PRCD: variants seen among roughly 807,000 people sequenced by gnomAD.
PRCD encodes the protein photoreceptor disk component PRCD.
Under a neutral mutation model 10.1 loss-of-function variants are expected in PRCD, and 12 were observed. That is an observed-to-expected ratio of 1.18 (90% CI 0.76 to 1.92). The LOEUF (loss-of-function observed/expected upper bound fraction) is 1.92, where lower values mean the gene tolerates loss of function less well. Ranked by LOEUF, PRCD falls within the 40% of genes most tolerant of loss-of-function variation. The probability of loss-of-function intolerance (pLI) is 0.00; values close to 1 mark genes in which losing one functional copy is unlikely to be tolerated. For missense variants in PRCD, 61 were observed against 72.2 expected (o/e 0.84, Z 0.56); for synonymous variants, 31 against 26.2 (o/e 1.18, Z -0.56).
At chr17:76,547,831 C>A (rs1276829301), downstream of PRCD, among the ~76,000 whole-genome samples, 4 of 136,420 alleles carry the variant, frequency 2.9e-5, no homozygotes, top group Non-Finnish European at 4.5e-5. Flanking sequence ...CACACACACA[C>A]AACACACATT....
intron 2 of PRCD, among the ~76,000 whole-genome samples, chr17:76,542,006 C>T (rs1462180417): frequency 6.6e-6 from 1 of 152,176 alleles, no homozygotes; most frequent in Non-Finnish European, 1.5e-5. Context: ...CCTATTAAGT[C>T]ACTCGGGAGG....
chr17:76,529,383 G>A (rs956647699), intron 1 of PRCD: 5 of 985,402 alleles, frequency 5.1e-6, no homozygotes, highest in Middle Eastern at 5.2e-4. Context: ...AGAAGTGGGC[G>A]GAGGAGGAGA....
upstream of PRCD, chr17:76,537,500 G>T: frequency 6.3e-7 from 1 of 1,578,744 alleles, no homozygotes; most frequent in Non-Finnish European, 8.6e-7. Flanking sequence ...TCCTCGCTCC[G>T]CTCCCTGCGC....
chr17:76,547,880 C>A (rs1350328613), downstream of PRCD, among the ~76,000 whole-genome samples: 1 of 151,040 alleles, frequency 6.6e-6, no homozygotes, highest in African/African-American at 2.4e-5. Context: ...TATTCACACA[C>A]ATACACATAC....
Position 76,530,945 on chromosome 17 carries a change from A to G in PRCD, n.45+3112A>G, listed in dbSNP as rs1042010509. 1.3e-6 allele frequency: 2 copies of G among 1,528,940 alleles called. No individual in the cohort carries two copies. Among genetic ancestry groups the G allele is most frequent in the South Asian group, 2.5e-5 (2 of 81,138 alleles). The allele number at this position is 1,528,940 out of a possible 1,614,324, so 94.7% of individuals were successfully genotyped here. On this transcript the variant is annotated intron_variant and non_coding_transcript_variant, in intron 1 of 4. Transcript: ENST00000397633. This position sits in a 1 kb window ranked among gnomAD's most constrained non-coding sequence, Gnocchi z 6.1. ...GGGGACAGCAGAGGACATGGCGGGG[A>G]GGCTGCCCAGCCCACCCTCGCCCGC...
At position 76,544,764 on chromosome 17, in the gene PRCD, T is replaced by C; in HGVS notation, c.*1114T>C. The C allele has an allele frequency of 2.2e-6, 1 of 456,804 alleles. No homozygotes were observed. Among genetic ancestry groups the C allele is most frequent in the Middle Eastern group, 3.3e-4 (1 of 3,076 alleles). The allele number at this position is 456,804 out of a possible 1,614,324, so 28.3% of individuals were successfully genotyped here. A position where few individuals can be genotyped will look rare whatever the true frequency, so the allele number is the denominator to read the frequency against. On this transcript the variant is annotated 3_prime_UTR_variant, in exon 5 of 5. Coordinates refer to ENST00000592014, the MANE Select transcript of PRCD (RefSeq NM_001077620.3). ...ATCTGCATTTATTCTCTATTTGCCA[T>C]GTTCCTGTCACCTCATCCTTGCTGC...
At chr17:76,542,331 G>A (rs1330103187) in intron 2 of PRCD, among the ~76,000 whole-genome samples, 1 of 152,178 alleles carries the variant, frequency 6.6e-6, no homozygotes, top group African/African-American at 2.4e-5. Context: ...GTCTGACATC[G>A]AGGAACCACC....
chr17:76,529,278 G>C, intron 1 of PRCD: 1 of 985,426 alleles, frequency 1.0e-6, no homozygotes, highest in East Asian at 1.1e-4. Context: ...GGTGTAAAGG[G>C]ATGAGGGGAC....
At chr17:76,538,457 C>CGCGGCG (rs748142936), upstream of PRCD, 4 of 465,726 alleles carry the variant, frequency 8.6e-6, no homozygotes, top group Non-Finnish European at 1.8e-5. Context: ...GGTGCACGAA[C>CGCGGCG]GCGGCGGCGG....
chr17:76,528,904 A>G lies in PRCD; in HGVS notation n.45+1071A>G. The G allele has an allele frequency of 8.4e-7, 1 of 1,194,728 alleles. No individual in the cohort carries two copies. Among genetic ancestry groups the G allele is most frequent in the Admixed American group, 4.5e-5 (1 of 22,420 alleles). The allele number at this position is 1,194,728 out of a possible 1,614,324, so 74.0% of individuals were successfully genotyped here. Reference sequence around the variant, plus strand: ...GGTAAAAAAGTGTTTCACAAACTGCAAAGCACGATACCAATGTGAGCTCTT... The same window carrying G: ...GGTAAAAAAGTGTTTCACAAACTGCGAAGCACGATACCAATGTGAGCTCTT... On this transcript the variant is annotated intron_variant and non_coding_transcript_variant, in intron 1 of 4. Transcript: ENST00000397633. The surrounding 1 kb of genome is among the most constrained non-coding windows in gnomAD (Gnocchi z 5.8).
chr17:76,547,664 TATTC>T (rs2075065337), downstream of PRCD, among the ~76,000 whole-genome samples: 1 of 134,580 alleles, frequency 7.4e-6, no homozygotes, highest in African/African-American at 3.2e-5. Flanking sequence ...CACACACACA[TATTC>T]ACACACAGAG....
At chr17:76,537,610 G>C (rs1386395586), upstream of PRCD, 8 of 1,023,820 alleles carry the variant, frequency 7.8e-6, no homozygotes, top group East Asian at 1.6e-4. Context: ...CGCGGGGCGC[G>C]GGGCGCCGGG....
chr17:76,542,992 G>A, intron 3 of PRCD, 37 bp from the exon 4 acceptor site: 1 of 488,864 alleles, frequency 2.0e-6, no homozygotes, highest in Non-Finnish European at 4.2e-6. Context: ...CCCCAGGTGT[G>A]GGAGAAGTGC....
rs2074977052 is a variant in PRCD, at chr17:76,540,427, T to C, written c.75-78T>C. On this transcript the variant is annotated intron_variant, in intron 1 of 4. Coordinates refer to ENST00000592014, the MANE Select transcript of PRCD (RefSeq NM_001077620.3). This position sits in a 1 kb window ranked among gnomAD's most constrained non-coding sequence, Gnocchi z 5.0. ...TGCAGCCTCTACTCCCATAGCCCAA[T>C]GCGGCCTGGACCTGTGGAGGGACAG... 10 of 1,505,216 alleles carry C rather than the reference T, an allele frequency of 6.6e-6. No individual in the cohort carries two copies. The East Asian group carries it at 1.1e-4, about 17-fold the overall frequency. 93.2% of individuals were successfully genotyped at this position (1,505,216 alleles called of 1,614,324 possible).
rs1350859970 is a variant in PRCD at position 76,531,143 on chromosome 17, C to G, written n.45+3310C>G. ...CCTCCAGAATGACCCCAGAGAGGAT[C>G]TGGGGGCAAAGGGAGGAAGGGGGAG... On this transcript the variant is annotated intron_variant and non_coding_transcript_variant, in intron 1 of 4. Transcript: ENST00000397633. The surrounding 1 kb of genome is among the most constrained non-coding windows in gnomAD (Gnocchi z 7.4). 6.2e-7 allele frequency: 1 copy of G among 1,612,264 alleles called. No homozygotes were observed. Among genetic ancestry groups the G allele is most frequent in the Non-Finnish European group, 8.5e-7 (1 of 1,178,900 alleles).
At chr17:76,529,555 G>A in intron 1 of PRCD, 11 of 984,950 alleles carry the variant, frequency 1.1e-5, no homozygotes, top group Non-Finnish European at 1.3e-5. Context: ...CTTGGCCCTT[G>A]TAAAAAAGCC....
At chr17:76,552,952 CAT>C (rs1598222777) in intron 1 of PRCD, 2 of 141,858 alleles carry the variant, frequency 1.4e-5, no homozygotes, top group African/African-American at 5.4e-5. Context: ...TACATGTATA[CAT>C]ATATATGTGT....
chr17:76,534,925 C>A (rs2074899291), intron 1 of PRCD, among the ~76,000 whole-genome samples: 1 of 152,256 alleles, frequency 6.6e-6, no homozygotes, highest in South Asian at 2.1e-4. Context: ...ACCTGAGACC[C>A]TCCCGGTCTC....
rs886053481 is a variant in PRCD at position 76,544,993 on chromosome 17, C to T, written c.*1343C>T. 5.3e-5 allele frequency: 24 copies of T among 456,242 alleles called. No homozygotes were observed. Among genetic ancestry groups the T allele is most frequent in the African/African-American group, 1.0e-4 (5 of 50,066 alleles). The allele number at this position is 456,242 out of a possible 1,614,324, so 28.3% of individuals were successfully genotyped here. A position where few individuals can be genotyped will look rare whatever the true frequency, so the allele number is the denominator to read the frequency against. ...AAAGAGAGGAAGGGGCTGCTGGCGG[C>T]CAGCGGGGCTGTGGCTGCCTGGGCT... On this transcript the variant is annotated 3_prime_UTR_variant, in exon 5 of 5. Coordinates refer to ENST00000592014, the MANE Select transcript of PRCD (RefSeq NM_001077620.3).
Sources: gnomAD v4.1 joint callset for allele counts (sites outside exome capture counted in the v4.1 genomes callset) on GRCh38, gnomAD v4.1.1 for gene constraint, Gnocchi (gnomAD v3.1) non-coding constraint, MANE v1.5 for transcripts, NCBI Gene and HGNC (gene_info 2026-07-23, HGNC 2026-07-21) for gene names.